The following PIP5K1B variants were observed in gnomAD, a reference collection of about 807,000 sequenced individuals.
PIP5K1B encodes the protein phosphatidylinositol-4-phosphate 5-kinase type 1 beta.
Under a neutral mutation model 67.0 loss-of-function variants are expected in PIP5K1B, and 42 were observed. That is an observed-to-expected ratio of 0.63 (90% CI 0.49 to 0.81). The LOEUF is 0.81. Ranked by LOEUF, PIP5K1B falls within the 30% of genes least tolerant of loss-of-function variation. The pLI is 0.00. For missense variants in PIP5K1B, 459 were observed against 646.3 expected, an observed-to-expected ratio of 0.71 and a Z score of 3.14; for synonymous variants, 214 against 231.4, an observed-to-expected ratio of 0.92 and a Z score of 0.68.
At chr9:68,772,326 G>T (rs1317416995) in intron 2 of PIP5K1B, among the ~76,000 whole-genome samples, 1 of 152,188 alleles carries the variant, frequency 6.6e-6, no homozygotes, top group Non-Finnish European at 1.5e-5. Flanking sequence ...GAGAGGCTGG[G>T]TTCAACCTGT....
chr9:68,733,352 C>T (rs1013040856), intron 1 of PIP5K1B, among the ~76,000 whole-genome samples: 3 of 152,152 alleles, frequency 2.0e-5, no homozygotes, highest in Non-Finnish European at 2.9e-5. Flanking sequence ...TTGCATATTT[C>T]GTTTTTCTCT....
intron 14 of PIP5K1B, among the ~76,000 whole-genome samples, chr9:68,949,672 T>G (rs930883671): frequency 4.6e-5 from 7 of 152,198 alleles, no homozygotes; most frequent in African/African-American, 1.2e-4. Flanking sequence ...AAGAAAAAGT[T>G]CAGCTGAATT....
rs1833153871 is a variant in PIP5K1B, at chr9:68,811,367, A to G, written c.-85-7094A>G. ...AGGGAAGTCATCCCATATAGGATGC[A>G]TTTCTCAGGCTTCCTATGGGCTCAG... On this transcript the variant is annotated intron_variant, in intron 2 of 15. Transcript: ENST00000265382. Among the ~76,000 whole-genome samples, 4 of 151,966 alleles carry G rather than the reference A, an allele frequency of 2.6e-5. No homozygotes were observed. The South Asian group carries it at 8.3e-4, about 32-fold the overall frequency.
Position 68,780,071 on chromosome 9 carries a change from T to C in PIP5K1B, c.-86+37414T>C, listed in dbSNP as rs866981826. ...GAGGGGCCAGCCCGCTGACAGATTC[T>C]CGGTGGCGGCGGCAGCGGCGGCGGC... is the stretch of plus-strand genomic sequence containing the variant. On this transcript the variant is annotated intron_variant, in intron 2 of 15. Transcript: ENST00000265382. The C allele has an allele frequency of 1.1e-5, 15 of 1,425,476 alleles. No homozygotes were observed. The African/African-American group carries it at 1.9e-4, about 18-fold the overall frequency. 88.3% of individuals were successfully genotyped at this position (1,425,476 alleles called of 1,614,324 possible).
chr9:68,787,074 C>T (rs1339115780), intron 2 of PIP5K1B, among the ~76,000 whole-genome samples: 1 of 152,174 alleles, frequency 6.6e-6, no homozygotes, highest in Admixed American at 6.5e-5. Context: ...TTCTCTCCTA[C>T]TTTTGCGGTT....
chr9:68,970,281 C>G (rs1424556476), intron 14 of PIP5K1B, among the ~76,000 whole-genome samples: 1 of 152,212 alleles, frequency 6.6e-6, no homozygotes, highest in African/African-American at 2.4e-5. Flanking sequence ...AAACTCTGTG[C>G]CATCCAGAAT....
At chr9:68,942,432 GGTTTT>G (rs1336160359) in intron 14 of PIP5K1B, among the ~76,000 whole-genome samples, 3 of 152,104 alleles carry the variant, frequency 2.0e-5, no homozygotes, top group Non-Finnish European at 2.9e-5. Context: ...ACAATAAAAG[GGTTTT>G]GTTTTGTTTT....
intron 2 of PIP5K1B, among the ~76,000 whole-genome samples, chr9:68,764,951 G>A (rs568615911): frequency 1.3e-5 from 2 of 152,088 alleles, no homozygotes; most frequent in East Asian, 3.9e-4. Context: ...TTAAAAAAAA[G>A]TGGAGAAGGC....
chr9:68,972,596 A>C (rs1191744372), intron 14 of PIP5K1B, among the ~76,000 whole-genome samples: 1 of 152,196 alleles, frequency 6.6e-6, no homozygotes, highest in African/African-American at 2.4e-5. Context: ...AGCTAAGATC[A>C]TACCACTACA....
At position 68,963,355 on chromosome 9, in the gene PIP5K1B, T is replaced by C. The variant is rs566463596; in HGVS notation, c.1502+22565T>C. 1.0e-4 allele frequency: 40 copies of C among 381,028 alleles called. 1 individual carries two copies. Among genetic ancestry groups the C allele is most frequent in the South Asian group, 5.5e-4 (28 of 51,090 alleles). The allele number at this position is 381,028 out of a possible 1,614,324, so 23.6% of individuals were successfully genotyped here. On this transcript the variant is annotated intron_variant, in intron 14 of 15. Coordinates refer to ENST00000265382, the MANE Select transcript of PIP5K1B (RefSeq NM_003558.4). ...CCATCTCTACTAAAAATACAAACAT[T>C]AGCTGGGCGTGGTGGTGCATGCCTG...
At chr9:68,808,429 C>A (rs550721154) in intron 2 of PIP5K1B, among the ~76,000 whole-genome samples, 14 of 152,150 alleles carry the variant, frequency 9.2e-5, no homozygotes, top group Middle Eastern at 3.2e-3. Flanking sequence ...ACACTATCAC[C>A]AGATACACAC....
chr9:69,008,562 A>AT lies in PIP5K1B; in HGVS notation c.*113_*114insT. On this transcript the variant is annotated 3_prime_UTR_variant, in exon 16 of 16. Transcript: ENST00000265382. ...AACTTGGCTGAGCCCCACTACACAC[A>AT]GAGAAATCATCAACCTGACTTAAGA... is the stretch of plus-strand genomic sequence containing the variant. The AT allele has an allele frequency of 1.0e-6, 1 of 999,596 alleles. No homozygotes were observed. The highest frequency in any genetic ancestry group is 1.3e-5 in the South Asian group (1 of 77,866). 61.9% of individuals were successfully genotyped at this position (999,596 alleles called of 1,614,324 possible).
chr9:68,966,835 T>A (rs1829060357), intron 14 of PIP5K1B: 1 of 152,174 alleles, frequency 6.6e-6, no homozygotes, highest in African/African-American at 2.4e-5. Context: ...ATAATGTAAA[T>A]GTTGGGGGAT....
chr9:68,780,440 G>A lies in PIP5K1B; in HGVS notation c.-86+37783G>A, dbSNP rs774766314. 8.7e-6 allele frequency: 14 copies of A among 1,614,222 alleles called. No individual in the cohort carries two copies. The South Asian group carries it at 1.4e-4, about 16-fold the overall frequency. On this transcript the variant is annotated intron_variant, in intron 2 of 15. Transcript: ENST00000265382. Reference sequence around the variant, plus strand: ...GCTTGCACCAGATCAAACAAGAAGAGGGCATGGACTTGATCAACCGAGAGA... The same window carrying A: ...GCTTGCACCAGATCAAACAAGAAGAAGGCATGGACTTGATCAACCGAGAGA...
At chr9:68,920,730 T>C (rs770217198) in intron 11 of PIP5K1B, among the ~76,000 whole-genome samples, 1 of 151,704 alleles carries the variant, frequency 6.6e-6, no homozygotes, top group African/African-American at 2.4e-5. Flanking sequence ...GTTTCTCCCA[T>C]CTTTCTCTCT....
chr9:68,734,250 A>G (rs781310036), intron 1 of PIP5K1B, among the ~76,000 whole-genome samples: 6 of 152,238 alleles, frequency 3.9e-5, no homozygotes, highest in Non-Finnish European at 8.8e-5. Flanking sequence ...AGTTCACCCC[A>G]TTAAAGAGTT....
At chr9:68,787,427 CAGA>C (rs1334015296) in intron 2 of PIP5K1B, among the ~76,000 whole-genome samples, 1 of 152,126 alleles carries the variant, frequency 6.6e-6, no homozygotes, top group African/African-American at 2.4e-5. Flanking sequence ...TATATATGAG[CAGA>C]AGGACCAGAA....
chr9:68,798,177 A>G (rs1437601703), intron 2 of PIP5K1B, among the ~76,000 whole-genome samples: 1 of 152,220 alleles, frequency 6.6e-6, no homozygotes, highest in African/African-American at 2.4e-5. Context: ...AGTTTGTCTT[A>G]TAAGAAAGAA....
chr9:68,921,868 A>T (rs1411904396), intron 11 of PIP5K1B, among the ~76,000 whole-genome samples: 1 of 152,178 alleles, frequency 6.6e-6, no homozygotes, highest in African/African-American at 2.4e-5. Context: ...AATAATAAAT[A>T]AATTAAAAAA....
Sources: allele counts gnomAD v4.1 joint callset (sites outside exome capture counted in the v4.1 genomes callset), GRCh38; gene constraint gnomAD v4.1.1; transcripts MANE v1.5; gene names NCBI Gene and HGNC (gene_info 2026-07-23, HGNC 2026-07-21).